KATNBL1: variants seen among roughly 807,000 people sequenced by gnomAD.
KATNBL1 encodes katanin regulatory subunit B1 like 1, also known as KATNB1-like protein 1.
In KATNBL1, 28 loss-of-function variants were observed where a neutral mutation model predicts 44.7. The ratio of observed to expected loss-of-function variants is 0.63; its 90% CI spans 0.46 to 0.86. The LOEUF is 0.86. Among genes scored for constraint, KATNBL1 ranks in the 40% least tolerant of loss-of-function variants. The pLI is 0.00. For synonymous variants in KATNBL1, 78 were observed against 114.9 expected, an observed-to-expected ratio of 0.68 and a Z score of 2.06; for missense variants, 272 against 350.7, an observed-to-expected ratio of 0.78 and a Z score of 1.79.
intron 2 of KATNBL1, among the ~76,000 whole-genome samples, chr15:34,155,971 T>C (rs911254215): frequency 1.3e-5 from 2 of 152,224 alleles, no homozygotes; most frequent in Non-Finnish European, 2.9e-5. Context: ...CCTTGCTTTA[T>C]GACATTGTGT....
At chr15:34,144,110 T>C (rs1039074778) in intron 9 of KATNBL1, among the ~76,000 whole-genome samples, 18 of 150,870 alleles carry the variant, frequency 1.2e-4, no homozygotes, top group Non-Finnish European at 2.2e-4. Context: ...TGGTCTTCCA[T>C]AGCAATGGCC....
intron 3 of KATNBL1, among the ~76,000 whole-genome samples, chr15:34,153,829 A>G (rs556932052): frequency 1.8e-3 from 280 of 152,320 alleles, no homozygotes; most frequent in African/African-American, 6.6e-3. Flanking sequence ...TTGGCCTCCT[A>G]AAGTGCTGGG....
intron 1 of KATNBL1, among the ~76,000 whole-genome samples, chr15:34,187,232 A>G (rs1455666510): frequency 1.3e-5 from 2 of 152,162 alleles, no homozygotes; most frequent in Non-Finnish European, 2.9e-5. Flanking sequence ...CTGCAGAGAT[A>G]TCAGAATGAC....
At chr15:34,188,136 G>GCAAAAAAAAAAAAAA (rs1394136257) in intron 1 of KATNBL1, among the ~76,000 whole-genome samples, 54 of 6,588 alleles carry the variant, frequency 8.2e-3, no homozygotes, top group Admixed American at 0.019. Context: ...AAGACGCCAT[G>GCAAAAAAAAAAAAAA]TAAAAAAAAA....
chr15:34,185,475 C>A (rs1280827092), intron 1 of KATNBL1, among the ~76,000 whole-genome samples: 2 of 152,144 alleles, frequency 1.3e-5, no homozygotes, highest in Non-Finnish European at 2.9e-5. Flanking sequence ...AACTGCATTT[C>A]GTATATTTAC....
rs77444703 is a variant in KATNBL1, at chr15:34,148,921, C to A, written c.439-171G>T. On this transcript the variant is annotated intron_variant, in intron 4 of 9. Transcript: ENST00000256544. The stretch of plus-strand genomic sequence containing the variant: ...GACCACAGTAAACAAATGATCTGAA[C>A]AAATTTAAGACCCATTTATACTTTT... Among the ~76,000 whole-genome samples, 4,517 of 152,238 alleles carry A rather than the reference C, an allele frequency of 0.03. 97 individuals carry two copies. The highest frequency in any genetic ancestry group is 0.05 in the Non-Finnish European group (3,398 of 68,012).
chr15:34,193,338 AG>A (rs1160609195), intron 1 of KATNBL1, among the ~76,000 whole-genome samples: 1 of 151,866 alleles, frequency 6.6e-6, no homozygotes, highest in African/African-American at 2.4e-5. Flanking sequence ...GTTTGAAACC[AG>A]CCTGGCCAAT....
intron 3 of KATNBL1, among the ~76,000 whole-genome samples, 156 bp from the exon 4 acceptor site, chr15:34,153,225 A>G (rs1232604528): frequency 6.6e-6 from 1 of 152,238 alleles, no homozygotes; most frequent in Non-Finnish European, 1.5e-5. Flanking sequence ...AGTTGAAGAG[A>G]AAAGTAAAAG....
Position 34,192,095 on chromosome 15 carries a change from C to G in KATNBL1, c.-15+17856G>C, listed in dbSNP as rs563713469. 8.6e-5 allele frequency among the ~76,000 whole-genome samples: 13 copies of G among 151,948 alleles called. No homozygotes were observed. In the East Asian group the frequency reaches 2.5e-3, roughly 30 times the overall value. Reference sequence around the variant, plus strand: ...ATTGTAAAGTTTATTATACTATCCTCTCTGCTTTTTTATATGATTAAAAAT... The same window carrying G: ...ATTGTAAAGTTTATTATACTATCCTGTCTGCTTTTTTATATGATTAAAAAT... On this transcript the variant is annotated intron_variant, in intron 1 of 9. Transcript: ENST00000256544.
chr15:34,167,404 A>C (rs968970296), intron 1 of KATNBL1, among the ~76,000 whole-genome samples: 11 of 152,246 alleles, frequency 7.2e-5, no homozygotes, highest in Non-Finnish European at 1.5e-4. Context: ...GAGAAAAAAG[A>C]GTGAAAAGAA....
At position 34,186,538 on chromosome 15, in the gene KATNBL1, T is replaced by C. The variant is rs561319199; in HGVS notation, c.-14-22848A>G. 7.2e-5 allele frequency among the ~76,000 whole-genome samples: 11 copies of C among 152,010 alleles called. No individual in the cohort carries two copies. The East Asian group carries it at 1.7e-3, about 24-fold the overall frequency. ...CCTTCTCCAGGAAGCAGGCAGGAGG[T>C]GGGGACAGGCGGGAGCCCTGCCTCT... On this transcript the variant is annotated intron_variant, in intron 1 of 9. Coordinates refer to ENST00000256544, the MANE Select transcript of KATNBL1 (RefSeq NM_024713.3).
At chr15:34,184,739 A>C (rs938629591) in intron 1 of KATNBL1, among the ~76,000 whole-genome samples, 1 of 150,508 alleles carries the variant, frequency 6.6e-6, no homozygotes, top group Non-Finnish European at 1.5e-5. Flanking sequence ...TGCCCGGCTA[A>C]TTTTTTTCTA....
rs376111623 is a variant in KATNBL1 at position 34,166,338 on chromosome 15, C to T, written c.-14-2648G>A. Among the ~76,000 whole-genome samples the T allele has an allele frequency of 9.8e-5, 15 of 152,346 alleles. No individual in the cohort carries two copies. The South Asian group carries it at 1.2e-3, about 13-fold the overall frequency. On this transcript the variant is annotated intron_variant, in intron 1 of 9. Transcript: ENST00000256544. ...CCCACGGAGCCTTGCTTACTGCCAG[C>T]GCAGCAGTCTGAGATAGACCTGCGA...
chr15:34,167,356 A>T (rs1889010896), intron 1 of KATNBL1, among the ~76,000 whole-genome samples: 1 of 152,216 alleles, frequency 6.6e-6, no homozygotes, highest in Non-Finnish European at 1.5e-5. Context: ...AAGTGAATGA[A>T]GATCAAATTA....
chr15:34,159,392 T>A (rs1340965660), intron 2 of KATNBL1, among the ~76,000 whole-genome samples: 3 of 152,126 alleles, frequency 2.0e-5, no homozygotes, highest in Non-Finnish European at 2.9e-5. Context: ...GGGTGGGTGG[T>A]TTGGACTATC....
At chr15:34,189,303 C>T (rs913763881) in intron 1 of KATNBL1, among the ~76,000 whole-genome samples, 7 of 152,172 alleles carry the variant, frequency 4.6e-5, no homozygotes, top group African/African-American at 1.7e-4. Flanking sequence ...GGATTACAGG[C>T]GTGAGCCACT....
intron 7 of KATNBL1, 28 bp from the exon 8 acceptor site, chr15:34,146,878 A>C: frequency 7.1e-7 from 1 of 1,401,066 alleles, no homozygotes; most frequent in Non-Finnish European, 1.0e-6. Flanking sequence ...TACAAAATTC[A>C]AGTGTTTTCA....
chr15:34,143,324 A>C (rs1158036442), intron 9 of KATNBL1, among the ~76,000 whole-genome samples: 3 of 151,796 alleles, frequency 2.0e-5, no homozygotes, highest in Non-Finnish European at 4.4e-5. Context: ...AAAATACAAA[A>C]ATTAGCCAGG....
chr15:34,159,730 T>C (rs1324746859), intron 2 of KATNBL1, among the ~76,000 whole-genome samples: 1 of 152,176 alleles, frequency 6.6e-6, no homozygotes, highest in East Asian at 1.9e-4. Context: ...TTTTCCATGA[T>C]TGATTTGGAG....
Sources: allele counts gnomAD v4.1 joint callset (sites outside exome capture counted in the v4.1 genomes callset), GRCh38; gene constraint gnomAD v4.1.1; transcripts MANE v1.5; gene names NCBI Gene and HGNC (gene_info 2026-07-23, HGNC 2026-07-21).